Variants in KHDC4 observed in about 807,000 individuals in gnomAD.
The protein encoded by KHDC4 is KH homology domain-containing protein 4.
A neutral mutation model predicts 74.5 loss-of-function variants in KHDC4; 19 were observed. That is an observed-to-expected ratio of 0.26 (90% CI 0.18 to 0.37). The LOEUF (loss-of-function observed/expected upper bound fraction) is 0.37, where lower values mean the gene tolerates loss of function less well. Ranked by LOEUF, KHDC4 falls within the 10% of genes least tolerant of loss-of-function variation. The pLI, the probability that KHDC4 is intolerant of heterozygous loss-of-function variation, is 1.00. For missense variants in KHDC4, 632 were observed against 754.1 expected (o/e 0.84, Z 1.90); for synonymous variants, 253 against 266.1 (o/e 0.95, Z 0.48).
In KHDC4 at chr1:155,921,584, G is replaced by T. The variant is rs758473808; in HGVS notation, c.1057C>A (p.Pro353Thr). 6.2e-7 allele frequency: 1 copy of T among 1,614,108 alleles called. No individual in the cohort carries two copies. The highest frequency in any genetic ancestry group is 1.1e-5 in the South Asian group (1 of 91,070). Reference protein sequence around the residue: ...SAISSVPPQPPYYPSNGYQSG... With the variant: ...SAISSVPPQPTYYPSNGYQSG... Reference sequence around the variant, plus strand: ...TGATAGCCATTGGATGGATAATATGGTGGTTGAGGAGGGACACTACTTATA... The same window carrying T: ...TGATAGCCATTGGATGGATAATATGTTGGTTGAGGAGGGACACTACTTATA... Residue 353 changes from proline (P) to threonine (T), a missense_variant, in exon 10 of 14, where the codon CCA becomes ACA. Transcript: ENST00000368321.
At chr1:155,922,301 G>A (rs1673885662) in intron 8 of KHDC4, among the ~76,000 whole-genome samples, 2 of 151,794 alleles carry the variant, frequency 1.3e-5, no homozygotes, top group South Asian at 2.1e-4. Context: ...GCGTGCCACC[G>A]CACCCAGCTA....
chr1:155,931,181 G>A (rs1674133114), intron 2 of KHDC4, among the ~76,000 whole-genome samples: 1 of 150,790 alleles, frequency 6.6e-6, no homozygotes, highest in Non-Finnish European at 1.5e-5. Context: ...CATTAGCTGG[G>A]CACGGTGGCA....
chr1:155,920,167 C>T (rs532319254), intron 10 of KHDC4: 13 of 267,744 alleles, frequency 4.9e-5, no homozygotes, highest in African/African-American at 2.0e-4. Context: ...TGGCCAGGTG[C>T]GGTGGCTCAC....
At chr1:155,926,509 G>C (rs1467401247) in intron 6 of KHDC4, 167 bp downstream of exon 6, 1 of 670,322 alleles carries the variant, frequency 1.5e-6, no homozygotes, top group African/African-American at 1.8e-5. Flanking sequence ...TTCGTGACGG[G>C]GTTTCACCAC....
chr1:155,933,106 T>C (rs987256275), intron 2 of KHDC4, among the ~76,000 whole-genome samples: 3 of 152,084 alleles, frequency 2.0e-5, no homozygotes, highest in Non-Finnish European at 4.4e-5. Context: ...CTGAACTAAG[T>C]GAACAAGGAC....
rs1225653765 is a variant in KHDC4 at position 155,929,763 on chromosome 1, A to G, written c.333T>C (p.Asp111=). ...DLVVAEVEIN[D]VPLTCRNLLT... The stretch of plus-strand genomic sequence containing the variant: ...GCAAGTTCCTACATGTGAGAGGCAC[A>G]TCATTAATTTCTACTTCAGCTACCA... Residue 111 remains aspartate, a synonymous_variant, in exon 3 of 14, where the codon GAT becomes GAC. Transcript: ENST00000368321. 2 of 1,612,862 alleles carry G rather than the reference A, an allele frequency of 1.2e-6. No homozygotes were observed. Among genetic ancestry groups the G allele is most frequent in the Non-Finnish European group, 1.7e-6 (2 of 1,179,552 alleles).
At chr1:155,927,247 AAGTTT>A in intron 4 of KHDC4, 91 bp from the exon 5 acceptor site, 2 of 997,744 alleles carry the variant, frequency 2.0e-6, no homozygotes, top group Non-Finnish European at 3.2e-6. Context: ...GTAATGTTTC[AAGTTT>A]CCAAATAACC....
Position 155,913,869 on chromosome 1 carries a change from T to C in KHDC4, c.*252A>G, listed in dbSNP as rs781560246. On this transcript the variant is annotated 3_prime_UTR_variant, in exon 14 of 14. Coordinates refer to ENST00000368321, the MANE Select transcript of KHDC4 (RefSeq NM_014949.4). ...AGGATGCTTTGTTGGACAAGCACAT[T>C]TCACCAACTGTTAAAAAGCTTCTGA... is the stretch of plus-strand genomic sequence containing the variant. 6.1e-6 allele frequency: 3 copies of C among 490,994 alleles called. No individual in the cohort carries two copies. Among genetic ancestry groups the C allele is most frequent in the Admixed American group, 3.5e-5 (1 of 28,846 alleles). 30.4% of individuals were successfully genotyped at this position (490,994 alleles called of 1,614,324 possible).
At chr1:155,919,352 G>A (rs1673802403) in intron 10 of KHDC4, among the ~76,000 whole-genome samples, 1 of 152,104 alleles carries the variant, frequency 6.6e-6, no homozygotes, top group Admixed American at 6.6e-5. Context: ...CTACAGAGCT[G>A]TCTAAATATA....
rs745928808 is a variant in KHDC4 at position 155,921,350 on chromosome 1, G to C, written c.1266+25C>G. ...CAGTTTTTCCTAAATTCAGTAATATGTTGTTGCATATCCTGACATCCTACC... is the reference window on the plus strand; with the variant it reads ...CAGTTTTTCCTAAATTCAGTAATATCTTGTTGCATATCCTGACATCCTACC... On this transcript the variant is annotated intron_variant, in intron 10 of 13. Transcript: ENST00000368321. 13 of 1,610,598 alleles carry C rather than the reference G, an allele frequency of 8.1e-6. No homozygotes were observed. In the South Asian group the frequency reaches 1.4e-4, roughly 18 times the overall value.
intron 4 of KHDC4, 132 bp from the exon 5 acceptor site, chr1:155,927,288 GT>G: frequency 1.6e-6 from 1 of 643,888 alleles, no homozygotes; most frequent in Non-Finnish European, 2.7e-6. Context: ...CATTAGAAGG[GT>G]TTTTGCTAGC....
chr1:155,915,771 T>C (rs1673718361), intron 13 of KHDC4, 102 bp downstream of exon 13: 1 of 708,774 alleles, frequency 1.4e-6, no homozygotes, highest in East Asian at 2.9e-5. Flanking sequence ...CCTCCCAAAG[T>C]GCTGGGATTA....
intron 10 of KHDC4, among the ~76,000 whole-genome samples, chr1:155,920,565 C>G (rs979789022): frequency 1.3e-5 from 2 of 152,044 alleles, no homozygotes; most frequent in Non-Finnish European, 2.9e-5. Context: ...TTTTTTGAGA[C>G]AGTCTCACTC....
intron 4 of KHDC4, among the ~76,000 whole-genome samples, chr1:155,927,630 C>A (rs190752505): frequency 2.2e-3 from 334 of 151,522 alleles, no homozygotes; most frequent in South Asian, 4.8e-3. Flanking sequence ...CATGGCAAAA[C>A]CCCATCTCTA....
intron 10 of KHDC4, 130 bp downstream of exon 10, chr1:155,921,245 G>A: frequency 9.4e-7 from 1 of 1,065,844 alleles, no homozygotes; most frequent in Non-Finnish European, 1.4e-6. Context: ...GTTGGTGGTA[G>A]GAACACAGAA....
At chr1:155,915,693 G>A (rs1005169236) in intron 13 of KHDC4, 180 bp downstream of exon 13, 1 of 517,686 alleles carries the variant, frequency 1.9e-6, no homozygotes, top group Middle Eastern at 3.5e-4. Flanking sequence ...TTTTAGTAGA[G>A]ATGGGATTTC....
Position 155,923,619 on chromosome 1 carries a change from C to T in KHDC4, c.954+8G>A, listed in dbSNP as rs1346042818. The T allele has an allele frequency of 6.2e-7, 1 of 1,609,258 alleles. No homozygotes were observed. Among genetic ancestry groups the T allele is most frequent in the Non-Finnish European group, 8.5e-7 (1 of 1,175,624 alleles). ...CTTCTGAATGAGTATCAGACAAATA[C>T]AACTCACTGTTTGCAAAAGATTCTC... On this transcript the variant is annotated splice_region_variant and intron_variant, in intron 8 of 13. Transcript: ENST00000368321.
intron 1 of KHDC4, 79 bp from the exon 2 acceptor site, chr1:155,933,928 C>A: frequency 1.8e-6 from 2 of 1,137,826 alleles, no homozygotes; most frequent in South Asian, 1.7e-5. Flanking sequence ...CTTAGCACCC[C>A]ATTTTCCCTC....
At chr1:155,916,597 A>G (rs758285063) in intron 12 of KHDC4, 28 bp downstream of exon 12, 1 of 1,433,280 alleles carries the variant, frequency 7.0e-7, no homozygotes, top group Non-Finnish European at 9.8e-7. Flanking sequence ...TAACATCTGA[A>G]TACATTTGCA....
Sources: allele counts gnomAD v4.1 joint callset (sites outside exome capture counted in the v4.1 genomes callset), GRCh38; gene constraint gnomAD v4.1.1; transcripts MANE v1.5; gene names NCBI Gene and HGNC (gene_info 2026-07-23, HGNC 2026-07-21).